CHMP1A: variants seen among roughly 807,000 people sequenced by gnomAD.
The protein encoded by CHMP1A is VPS46 homolog A.
A neutral mutation model predicts 27.0 loss-of-function variants in CHMP1A; 17 were observed. The ratio of observed to expected loss-of-function variants is 0.63; its 90% CI spans 0.43 to 0.95. The LOEUF (loss-of-function observed/expected upper bound fraction) is 0.95, where lower values mean the gene tolerates loss of function less well. Among genes scored for constraint, CHMP1A ranks in the 40% least tolerant of loss-of-function variants. The pLI is 0.00. For synonymous variants in CHMP1A, 131 were observed against 107.5 expected, an observed-to-expected ratio of 1.22 and a Z score of -1.35; for missense variants, 275 against 264.0, an observed-to-expected ratio of 1.04 and a Z score of -0.29.
intron 2 of CHMP1A, 100 bp from the exon 3 acceptor site, chr16:89,651,746 C>T: frequency 8.3e-7 from 1 of 1,198,532 alleles, no homozygotes; most frequent in South Asian, 1.4e-5. Flanking sequence ...TGTGCCCACA[C>T]AGGTTCCTAA....
chr16:89,654,826 C>G (rs1324257336), intron 1 of CHMP1A, among the ~76,000 whole-genome samples: 1 of 151,780 alleles, frequency 6.6e-6, no homozygotes, highest in East Asian at 1.9e-4. Flanking sequence ...GCCTGTAGTC[C>G]CAGCTACTCA....
rs572453661 is a variant in CHMP1A, at chr16:89,644,650, T to C, written c.*1416A>G. 16 of 152,396 alleles carry C rather than the reference T, an allele frequency of 1.0e-4. No homozygotes were observed. The highest frequency in any genetic ancestry group is 3.9e-4 in the African/African-American group (16 of 41,556). The allele number at this position is 152,396 out of a possible 1,614,324, so 9.4% of individuals were successfully genotyped here. ...TTTGGGGAGGCTGGAGGGAACCACG[T>C]CTAGGACCTACCAACACTAGCCCCT... On this transcript the variant is annotated 3_prime_UTR_variant, in exon 7 of 7. Coordinates refer to ENST00000397901, the MANE Select transcript of CHMP1A (RefSeq NM_002768.5).
At chr16:89,646,874 A>G in intron 5 of CHMP1A, 160 bp from the exon 6 acceptor site, 1 of 1,017,616 alleles carries the variant, frequency 9.8e-7, no homozygotes, top group Non-Finnish European at 1.4e-6. Context: ...TTCCACCAGG[A>G]GCCTTTCCTG....
At chr16:89,656,470 C>T (rs1432320058) in intron 1 of CHMP1A, among the ~76,000 whole-genome samples, 2 of 152,258 alleles carry the variant, frequency 1.3e-5, no homozygotes, top group African/African-American at 4.8e-5. Context: ...CTGCCCATCA[C>T]ACCAGCCCAA....
intron 1 of CHMP1A, among the ~76,000 whole-genome samples, chr16:89,655,710 C>G (rs1290263267): frequency 5.3e-5 from 8 of 152,238 alleles, no homozygotes; most frequent in East Asian, 1.9e-4. Context: ...ACTGCAACCT[C>G]TGCCTCCCAG....
chr16:89,649,557 G>A (rs944075641), intron 3 of CHMP1A, 60 bp from the exon 4 acceptor site: 4 of 1,596,640 alleles, frequency 2.5e-6, no homozygotes, highest in Admixed American at 1.8e-5. Context: ...CCCCTGCTAG[G>A]AGCCCAGTTT....
rs1361016878 is a variant in CHMP1A, at chr16:89,645,750, G to T, written c.*316C>A. 6 of 585,178 alleles carry T rather than the reference G, an allele frequency of 1.0e-5. No homozygotes were observed. The allele number at this position is 585,178 out of a possible 1,614,324, so 36.2% of individuals were successfully genotyped here. The stretch of plus-strand genomic sequence containing the variant: ...GCTGATGGGAAGCAGCATGTCTGCT[G>T]CCCCAGAGTCTGAAGGCCCCCACAG... On this transcript the variant is annotated 3_prime_UTR_variant, in exon 7 of 7. Coordinates refer to ENST00000397901, the MANE Select transcript of CHMP1A (RefSeq NM_002768.5).
rs145010051 is a variant in CHMP1A, at chr16:89,645,533, TGGA to T, written c.*530_*532del. Reference sequence around the variant, plus strand: ...GGCCGAGACACCACCCCTGGAGTGATGGAGGAGGAGGATGTCATTGTAAATACC... The same window carrying T: ...GGCCGAGACACCACCCCTGGAGTGATGGAGGAGGATGTCATTGTAAATACC... On this transcript the variant is annotated 3_prime_UTR_variant, in exon 7 of 7. Transcript: ENST00000397901. 0.02 allele frequency: 3,867 copies of T among 191,736 alleles called. 666 individuals are homozygous for T. The East Asian group carries it at 0.49, about 24-fold the overall frequency. 11.9% of individuals were successfully genotyped at this position (191,736 alleles called of 1,614,324 possible).
intron 1 of CHMP1A, 68 bp from the exon 2 acceptor site, chr16:89,653,991 A>T: frequency 5.2e-6 from 8 of 1,527,794 alleles, no homozygotes; most frequent in Non-Finnish European, 7.3e-6. Flanking sequence ...GGCAGGCAGG[A>T]CTCACTAGGT....
intron 1 of CHMP1A, 29 bp downstream of exon 1, chr16:89,657,553 G>A (rs1390911306): frequency 6.2e-7 from 1 of 1,609,798 alleles, no homozygotes; most frequent in South Asian, 1.1e-5. Context: ...CCGCGCGCGA[G>A]TCCCCGGAGG....
At chr16:89,651,537 G>C (rs765484837) in intron 3 of CHMP1A, 32 bp downstream of exon 3, 9 of 1,601,924 alleles carry the variant, frequency 5.6e-6, no homozygotes, top group African/African-American at 4.0e-5. Flanking sequence ...CAAACCAGGA[G>C]AGTCATGACC....
intron 5 of CHMP1A, 147 bp downstream of exon 5, chr16:89,647,033 ACCTGTCAGGGTCCTGGCAGGGAC>A: frequency 6.6e-7 from 1 of 1,522,100 alleles, no homozygotes; most frequent in Non-Finnish European, 8.8e-7. Context: ...TGCCCACCCT[ACCTGTCAGGGTCCTGGCAGGGAC>A]CCAGCACAGA....
chr16:89,652,004 C>A (rs912247979), intron 2 of CHMP1A, among the ~76,000 whole-genome samples: 1 of 152,316 alleles, frequency 6.6e-6, no homozygotes, highest in East Asian at 1.9e-4. Flanking sequence ...GGCTTTTCAA[C>A]GTCAAAGAAA....
rs62067100 is a variant in CHMP1A at position 89,657,464 on chromosome 16, T to C, written c.7+118A>G. ...GGATGGGGTCCCGGGGGATCGACGG[T>C]CGAGGCCCGAGCTCTCCTGAGTCCT... On this transcript the variant is annotated intron_variant, in intron 1 of 6. Transcript: ENST00000397901. The C allele has an allele frequency of 4.3e-3, 5,629 of 1,316,314 alleles. 23 individuals carry two copies. The highest frequency in any genetic ancestry group is 5.4e-3 in the Non-Finnish European group (5,055 of 943,316). The allele number at this position is 1,316,314 out of a possible 1,614,324, so 81.5% of individuals were successfully genotyped here. A position where few individuals can be genotyped will look rare whatever the true frequency, so the allele number is the denominator to read the frequency against.
At chr16:89,647,636 CCGCCGACG>C (rs2059787405) in intron 4 of CHMP1A, among the ~76,000 whole-genome samples, 1 of 83,016 alleles carries the variant, frequency 1.2e-5, no homozygotes, top group African/African-American at 3.8e-5. Flanking sequence ...GGAGAAAAGG[CCGCCGACG>C]TGGGGACCCA....
At chr16:89,647,159 C>T (rs2059781140) in intron 5 of CHMP1A, 44 bp downstream of exon 5, 2 of 1,599,170 alleles carry the variant, frequency 1.3e-6, no homozygotes, top group Non-Finnish European at 1.7e-6. Context: ...CCCACACACG[C>T]TCCTTGTCCC....
In CHMP1A at chr16:89,645,976, G is replaced by T. The variant is rs760403388; in HGVS notation, c.*90C>A. The T allele has an allele frequency of 1.2e-6, 2 of 1,612,236 alleles. No homozygotes were observed. The highest frequency in any genetic ancestry group is 1.7e-6 in the Non-Finnish European group (2 of 1,179,466). On this transcript the variant is annotated 3_prime_UTR_variant, in exon 7 of 7. Coordinates refer to ENST00000397901, the MANE Select transcript of CHMP1A (RefSeq NM_002768.5). ...GTGGCTGCCGGCCGCAGCCCCGCGG[G>T]GTCAGCACAAAGGCAAGACGCGGTG...
At chr16:89,652,313 C>A (rs948251516) in intron 2 of CHMP1A, among the ~76,000 whole-genome samples, 3 of 147,584 alleles carry the variant, frequency 2.0e-5, no homozygotes, top group African/African-American at 7.3e-5. Flanking sequence ...CATCTGGAAT[C>A]ACAGACACCC....
chr16:89,656,729 G>A (rs1262142598), intron 1 of CHMP1A, among the ~76,000 whole-genome samples: 1 of 152,258 alleles, frequency 6.6e-6, no homozygotes, highest in Non-Finnish European at 1.5e-5. Context: ...CTGATTTGCA[G>A]TGATGCTGTT....
Sources: gnomAD v4.1 joint callset for allele counts (sites outside exome capture counted in the v4.1 genomes callset) on GRCh38, gnomAD v4.1.1 for gene constraint, MANE v1.5 for transcripts, NCBI Gene and HGNC (gene_info 2026-07-23, HGNC 2026-07-21) for gene names.